The following WDR64 variants were observed in gnomAD, a reference collection of about 807,000 sequenced individuals.
WDR64 encodes the protein WD repeat domain 64.
A neutral mutation model predicts 139.3 loss-of-function variants in WDR64; 112 were observed. The ratio of observed to expected loss-of-function variants is 0.80; its 90% confidence interval spans 0.69 to 0.94. The LOEUF (loss-of-function observed/expected upper bound fraction) is 0.94, where lower values mean the gene tolerates loss of function less well. Ranked by LOEUF, WDR64 falls within the 40% of genes least tolerant of loss-of-function variation. The pLI is 0.00. For missense variants in WDR64, 1,206 were observed against 1,293.1 expected (o/e 0.93, Z 1.03); for synonymous variants, 444 against 437.7 (o/e 1.01, Z -0.18).
chr1:241,672,450 A>C (rs1411606837), intron 3 of WDR64, among the ~76,000 whole-genome samples: 1 of 152,194 alleles, frequency 6.6e-6, no homozygotes, highest in Non-Finnish European at 1.5e-5. Flanking sequence ...TCTAGATGGC[A>C]GTTGCATTCT....
intron 7 of WDR64, 95 bp from the exon 8 acceptor site, chr1:241,687,366 C>G (rs1488541725): frequency 7.6e-7 from 1 of 1,324,414 alleles, no homozygotes; most frequent in African/African-American, 1.5e-5. Flanking sequence ...GGGTTTAGTA[C>G]AATTCAGTTA....
intron 6 of WDR64, among the ~76,000 whole-genome samples, chr1:241,681,338 C>T (rs1666785156): frequency 6.6e-6 from 1 of 152,154 alleles, no homozygotes; most frequent in Non-Finnish European, 1.5e-5. Flanking sequence ...ATCCTCAAAG[C>T]TTAGCTCCCT....
intron 1 of WDR64, among the ~76,000 whole-genome samples, chr1:241,653,803 C>T (rs892148508): frequency 4.4e-4 from 67 of 152,110 alleles, no homozygotes; most frequent in African/African-American, 1.6e-3. Flanking sequence ...CCATGGCCTC[C>T]CAAAGTGCTG....
At chr1:241,653,411 TATTA>T (rs1377304559) in intron 1 of WDR64, among the ~76,000 whole-genome samples, 1 of 152,218 alleles carries the variant, frequency 6.6e-6, no homozygotes, top group Non-Finnish European at 1.5e-5. Context: ...CCCAAGCTGG[TATTA>T]ATTGAATAGT....
chr1:241,788,148 A>G, intron 24 of WDR64, 114 bp downstream of exon 24: 1 of 909,894 alleles, frequency 1.1e-6, no homozygotes, highest in Non-Finnish European at 1.5e-6. Flanking sequence ...CTTTTCAATA[A>G]TTTTGTAATC....
At chr1:241,726,103 G>T (rs1242736199) in intron 10 of WDR64, among the ~76,000 whole-genome samples, 2 of 151,766 alleles carry the variant, frequency 1.3e-5, no homozygotes, top group African/African-American at 4.8e-5. Flanking sequence ...TAGAGATGGG[G>T]TCTTGCTATG....
chr1:241,742,015 T>C (rs1394787785), intron 12 of WDR64, among the ~76,000 whole-genome samples: 1 of 152,128 alleles, frequency 6.6e-6, no homozygotes, highest in African/African-American at 2.4e-5. Flanking sequence ...GGGGAATAAA[T>C]TTATAGGTGT....
At chr1:241,668,350 A>C (rs541656130) in intron 2 of WDR64, among the ~76,000 whole-genome samples, 5 of 152,082 alleles carry the variant, frequency 3.3e-5, no homozygotes, top group African/African-American at 1.2e-4. Flanking sequence ...TCTACTAAAA[A>C]TACAAAAATT....
intron 21 of WDR64, among the ~76,000 whole-genome samples, chr1:241,776,239 C>T (rs1231762937): frequency 6.6e-6 from 1 of 151,878 alleles, no homozygotes; most frequent in Admixed American, 6.6e-5. Flanking sequence ...CCACCACGCC[C>T]AGCTAATTTT....
rs934485258 is a variant in WDR64 at position 241,790,663 on chromosome 1, T to C, written c.2964T>C (p.Asp988=). Reference sequence around the variant, plus strand: ...CCAAGGCCTTTGAAGTGGAACAGGATTTCAAGTTTTTCAAGTCTCTTTCTT... The same window carrying C: ...CCAAGGCCTTTGAAGTGGAACAGGACTTCAAGTTTTTCAAGTCTCTTTCTT... ...TPPKAFEVEQ[D]FKFFKSLSSP... is the part of the protein sequence containing the mutation. Residue 988 remains aspartate, a synonymous_variant, in exon 25 of 28, where the codon GAT becomes GAC. Coordinates refer to ENST00000437684, the MANE Select transcript of WDR64 (RefSeq NM_001367482.1). 1.9e-6 allele frequency: 3 copies of C among 1,608,476 alleles called. No individual in the cohort carries two copies. The African/African-American group carries it at 4.1e-5, about 22-fold the overall frequency.
chr1:241,670,199 T>C (rs1666170143), intron 2 of WDR64, among the ~76,000 whole-genome samples: 1 of 152,242 alleles, frequency 6.6e-6, no homozygotes, highest in Non-Finnish European at 1.5e-5. Context: ...TTCGACAGTT[T>C]ATTCACAAAT....
intron 9 of WDR64, among the ~76,000 whole-genome samples, chr1:241,715,836 T>TA (rs1322473509): frequency 6.6e-6 from 1 of 152,178 alleles, no homozygotes; most frequent in African/African-American, 2.4e-5. Context: ...ATGTGTTTGG[T>TA]AAAGTTTTAG....
intron 13 of WDR64, among the ~76,000 whole-genome samples, chr1:241,747,788 T>A (rs1391826297): frequency 6.6e-6 from 1 of 152,184 alleles, no homozygotes; most frequent in African/African-American, 2.4e-5. Context: ...AAGGAAAGAC[T>A]TCCTGGGAAA....
At chr1:241,800,984 T>A (rs1450853316) in intron 27 of WDR64, 148 bp from the exon 28 acceptor site, 1 of 612,656 alleles carries the variant, frequency 1.6e-6, no homozygotes, top group East Asian at 2.7e-5. Context: ...TATCCTGAAG[T>A]CACATAGGAT....
intron 8 of WDR64, among the ~76,000 whole-genome samples, chr1:241,705,767 TTGGTAGAGA>T (rs1277744445): frequency 1.3e-5 from 2 of 151,916 alleles, no homozygotes; most frequent in Admixed American, 6.5e-5. Context: ...TTTCTTAATT[TTGGTAGAGA>T]TGGGGTCTTG....
intron 10 of WDR64, among the ~76,000 whole-genome samples, chr1:241,725,240 AGT>A (rs957862924): frequency 6.6e-6 from 1 of 152,120 alleles, no homozygotes; most frequent in Non-Finnish European, 1.5e-5. Flanking sequence ...TAGCTAGATG[AGT>A]GTGCAAAGAT....
chr1:241,790,238 C>A (rs1015792598), intron 24 of WDR64, among the ~76,000 whole-genome samples: 7 of 152,134 alleles, frequency 4.6e-5, no homozygotes, highest in Non-Finnish European at 1.0e-4. Flanking sequence ...GTAATCCCAG[C>A]TACTTGGGAG....
chr1:241,787,747 C>T lies in WDR64; in HGVS notation c.2706-102C>T, dbSNP rs1432074123. On this transcript the variant is annotated intron_variant, in intron 23 of 27. Transcript: ENST00000437684. ...GGTCTTGAACCCAAGTAAAAAAATC[C>T]TTGATGGACCAGCGCTAATTTACAT... 4 of 1,004,402 alleles carry T rather than the reference C, an allele frequency of 4.0e-6. No homozygotes were observed. In the African/African-American group the frequency reaches 5.1e-5, roughly 13 times the overall value. The allele number at this position is 1,004,402 out of a possible 1,614,324, so 62.2% of individuals were successfully genotyped here.
chr1:241,695,881 A>C (rs1667463077), intron 8 of WDR64, among the ~76,000 whole-genome samples: 1 of 152,092 alleles, frequency 6.6e-6, no homozygotes, highest in South Asian at 2.1e-4. Context: ...TGGGAGGCCA[A>C]GGTGGGAGAA....
Sources: allele counts gnomAD v4.1 joint callset (sites outside exome capture counted in the v4.1 genomes callset), GRCh38; gene constraint gnomAD v4.1.1; transcripts MANE v1.5; gene names NCBI Gene and HGNC (gene_info 2026-07-23, HGNC 2026-07-21).